BSN: variants seen among roughly 807,000 people sequenced by gnomAD.
BSN encodes bassoon presynaptic cytomatrix protein.
BSN carries 57 observed loss-of-function variants against 264.8 expected under a neutral mutation model. The observed-to-expected ratio is 0.22, with a 90% CI of 0.17 to 0.27. BSN has a LOEUF of 0.27. Among genes scored for constraint, BSN ranks in the 10% least tolerant of loss-of-function variants. The pLI is 1.00. For synonymous variants in BSN, 2,059 were observed against 2,137.3 expected (o/e 0.96, Z 1.01); for missense variants, 4,615 against 5,232.5 (o/e 0.88, Z 3.64).
chr3:49,661,259 C>T lies in BSN; in HGVS notation c.9414C>T (p.Ser3138=), dbSNP rs1432733824. The change falls in exon 6 of 12, where the codon AGC becomes AGT. Residue 3138 remains serine (S), a synonymous_variant. Transcript: ENST00000296452. ...CCCTTTTTCCAGTCCCCGCTGATAG[C>T]CGTGCCCCACTGCAGAAGCCACGCC... ...QSTLFPVPAD[S]RAPLQKPRQT... is the part of the protein sequence containing the mutation. The T allele has an allele frequency of 6.2e-7, 1 of 1,613,778 alleles. No homozygotes were observed.
rs1243154540 is a variant in BSN, at chr3:49,652,283, C to G, written c.2727C>G (p.Leu909=). ...CCACCACGGGCTATGAGGAGCTGCTCCCTGAGGGAGGCTCAGCAGAGGCTA... is the reference window on the plus strand; with the variant it reads ...CCACCACGGGCTATGAGGAGCTGCTGCCTGAGGGAGGCTCAGCAGAGGCTA... ...HNATTGYEEL[L]PEGGSAEATD... Residue 909 remains leucine, a synonymous_variant, in exon 5 of 12, where the codon CTC becomes CTG. Coordinates refer to ENST00000296452, the MANE Select transcript of BSN (RefSeq NM_003458.4). 2 of 1,597,994 alleles carry G rather than the reference C, an allele frequency of 1.3e-6. No homozygotes were observed. The highest frequency in any genetic ancestry group is 1.7e-6 in the Non-Finnish European group (2 of 1,171,144).
rs184759120 is a variant in BSN, at chr3:49,620,623, C to T, written c.225-4352C>T. 5.3e-5 allele frequency among the ~76,000 whole-genome samples: 8 copies of T among 152,142 alleles called. No homozygotes were observed. The East Asian group carries it at 9.7e-4, about 18-fold the overall frequency. ...GGCCATTGTAAGACTTTTGGCTTTTCCTTTGGGAGGGAAAGGAAGCCAGTG... is the reference window on the plus strand; with the variant it reads ...GGCCATTGTAAGACTTTTGGCTTTTTCTTTGGGAGGGAAAGGAAGCCAGTG... On this transcript the variant is annotated intron_variant, in intron 1 of 11. Coordinates refer to ENST00000296452, the MANE Select transcript of BSN (RefSeq NM_003458.4).
chr3:49,580,342 T>G (rs567939965), intron 1 of BSN, among the ~76,000 whole-genome samples: 24 of 152,224 alleles, frequency 1.6e-4, no homozygotes, highest in Non-Finnish European at 2.5e-4. Context: ...TGTGAAAGAT[T>G]AATATGAAAT....
At chr3:49,605,515 T>A (rs1189410629) in intron 1 of BSN, among the ~76,000 whole-genome samples, 4 of 3,526 alleles carry the variant, frequency 1.1e-3, no homozygotes, top group African/African-American at 2.3e-3. Context: ...TATTATATAA[T>A]ATATATATAA....
chr3:49,617,282 A>ATT (rs1553663309), intron 1 of BSN, among the ~76,000 whole-genome samples: 27 of 33,416 alleles, frequency 8.1e-4, no homozygotes, highest in African/African-American at 2.9e-3. Context: ...AATAAAATAC[A>ATT]TTATATATAT....
intron 2 of BSN, among the ~76,000 whole-genome samples, chr3:49,635,647 A>G (rs1237376447): frequency 1.3e-5 from 2 of 152,126 alleles, no homozygotes; most frequent in African/African-American, 2.4e-5. Flanking sequence ...CTGTCTGTCC[A>G]TCTATCCATC....
At position 49,655,695 on chromosome 3, in the gene BSN, C is replaced by T; in HGVS notation, c.6139C>T (p.His2047Tyr). 6.2e-7 allele frequency: 1 copy of T among 1,613,580 alleles called. No homozygotes were observed. Among genetic ancestry groups the T allele is most frequent in the Non-Finnish European group, 8.5e-7 (1 of 1,180,036 alleles). ...LQYGSVTDLR[H>Y]PTDLLAHPLP... ...GTATGGCTCAGTCACGGACCTGCGT[C>T]ATCCTACAGACCTTTTGGCTCACCC... The change falls in exon 5 of 12, where the codon CAT (histidine) becomes TAT (tyrosine). Residue 2047 changes from histidine (H) to tyrosine (Y), a missense_variant. This residue lies in a region of BSN where 3,415 missense variants were observed against 3,866.4 expected (regional missense o/e 0.88). Coordinates refer to ENST00000296452, the MANE Select transcript of BSN (RefSeq NM_003458.4).
rs1232434701 is a variant in BSN at position 49,651,460 on chromosome 3, G to A, written c.1987-83G>A. On this transcript the variant is annotated intron_variant, in intron 4 of 11. Coordinates refer to ENST00000296452, the MANE Select transcript of BSN (RefSeq NM_003458.4). This position sits in a 1 kb window ranked among gnomAD's most constrained non-coding sequence, Gnocchi z 5.4. ...GGAAATGGACAGACTCTTCCCCAGG[G>A]TCCTGGGATTGACAGGGAGGATTGG... 2.1e-6 allele frequency: 3 copies of A among 1,410,306 alleles called. No individual in the cohort carries two copies. Among genetic ancestry groups the A allele is most frequent in the Non-Finnish European group, 1.9e-6 (2 of 1,040,200 alleles). The allele number at this position is 1,410,306 out of a possible 1,614,324, so 87.4% of individuals were successfully genotyped here.
rs1302278250 is a variant in BSN at position 49,670,016 on chromosome 3, C to T, written c.*2531C>T. ...TTCTCATGCTTTTCTATAAGATCTA[C>T]ACACCCCTTCAGAGAGGGCTCCTCG... is the stretch of plus-strand genomic sequence containing the variant. On this transcript the variant is annotated 3_prime_UTR_variant, in exon 12 of 12. Transcript: ENST00000296452. The T allele has an allele frequency of 6.5e-6, 1 of 152,718 alleles. No homozygotes were observed. Among genetic ancestry groups the T allele is most frequent in the Non-Finnish European group, 1.5e-5 (1 of 68,072 alleles). 9.5% of individuals were successfully genotyped at this position (152,718 alleles called of 1,614,324 possible).
chr3:49,653,198 C>A lies in BSN; in HGVS notation c.3642C>A (p.Gly1214=). 3.1e-6 allele frequency: 5 copies of A among 1,610,214 alleles called. No individual in the cohort carries two copies. Among genetic ancestry groups the A allele is most frequent in the Non-Finnish European group, 4.2e-6 (5 of 1,179,150 alleles). The change falls in exon 5 of 12, where the codon GGC becomes GGA. Residue 1214 remains glycine, a synonymous_variant. Transcript: ENST00000296452. This position sits in a 1 kb window ranked among gnomAD's most constrained non-coding sequence, Gnocchi z 6.3. ...CAGGGGCCCGGGGACCCCATGGCGG[C>A]CCCTCTCAGCCCACAGGCCCCCGGG... is the stretch of plus-strand genomic sequence containing the variant. The part of the protein sequence containing the change: ...QAAGARGPHG[G]PSQPTGPRGL...
chr3:49,554,579 A>AC lies in BSN; in HGVS notation c.-20dup. 1 of 833,108 alleles carries AC rather than the reference A, an allele frequency of 1.2e-6. No individual in the cohort carries two copies. Among genetic ancestry groups the AC allele is most frequent in the East Asian group, 1.3e-4 (1 of 7,950 alleles). The allele number at this position is 833,108 out of a possible 1,614,324, so 51.6% of individuals were successfully genotyped here. A position where few individuals can be genotyped will look rare whatever the true frequency, so the allele number is the denominator to read the frequency against. ...CCGGCCCGGGCGCAGCGCGACCCCG[A>AC]CCCCGCCCGCCCGCCTGCCCGCCAT... On this transcript the variant is annotated 5_prime_UTR_variant, in exon 1 of 12. Coordinates refer to ENST00000296452, the MANE Select transcript of BSN (RefSeq NM_003458.4).
chr3:49,613,508 T>A (rs2052229362), intron 1 of BSN, among the ~76,000 whole-genome samples: 1 of 151,744 alleles, frequency 6.6e-6, no homozygotes, highest in African/African-American at 2.4e-5. Flanking sequence ...TATTATTTTT[T>A]TTTGAGACAG....
downstream of BSN, among the ~76,000 whole-genome samples, chr3:49,672,319 G>GT (rs1454858738): frequency 2.0e-5 from 3 of 152,098 alleles, no homozygotes; most frequent in African/African-American, 7.2e-5. Flanking sequence ...CAGGCACTAT[G>GT]TTCCCAGTGT....
intron 1 of BSN, among the ~76,000 whole-genome samples, chr3:49,587,694 G>A (rs1281238892): frequency 1.3e-5 from 2 of 151,996 alleles, no homozygotes; most frequent in African/African-American, 4.8e-5. Flanking sequence ...AGATGAAGTG[G>A]TAGCCTGTGA....
chr3:49,611,838 G>A (rs1359340997), intron 1 of BSN, among the ~76,000 whole-genome samples: 1 of 152,136 alleles, frequency 6.6e-6, no homozygotes, highest in African/African-American at 2.4e-5. Flanking sequence ...ATCATAGGGG[G>A]AGCTCCTCAA....
At chr3:49,643,696 G>C (rs2052485465) in intron 3 of BSN, among the ~76,000 whole-genome samples, 1 of 152,220 alleles carries the variant, frequency 6.6e-6, no homozygotes, top group Non-Finnish European at 1.5e-5. Flanking sequence ...CATAAGTGTT[G>C]ACGTCTACTT....
rs757466787 is a variant in BSN, at chr3:49,651,993, G to A, written c.2437G>A (p.Asp813Asn). 4 of 1,613,356 alleles carry A rather than the reference G, an allele frequency of 2.5e-6. No individual in the cohort carries two copies. The highest frequency in any genetic ancestry group is 1.7e-5 in the Admixed American group (1 of 59,972). Reference sequence around the variant, plus strand: ...CGACTTTGGCAGCCAATTGAGGCACGACTATGTGGAGGACAGCAGTGAGGG... The same window carrying A: ...CGACTTTGGCAGCCAATTGAGGCACAACTATGTGGAGGACAGCAGTGAGGG... ...SDDFGSQLRH[D>N]YVEDSSEGGL... Residue 813 changes from aspartate (D) to asparagine (N), a missense_variant, in exon 5 of 12, where the codon GAC becomes AAC. Asp to Asn is a conservative substitution (Grantham distance 23). Coordinates refer to ENST00000296452, the MANE Select transcript of BSN (RefSeq NM_003458.4). This position sits in a 1 kb window ranked among gnomAD's most constrained non-coding sequence, Gnocchi z 5.4.
chr3:49,655,422 C>T lies in BSN; in HGVS notation c.5866C>T (p.Arg1956Trp), dbSNP rs577534955. The change falls in exon 5 of 12, where the codon CGG (arginine) becomes TGG (tryptophan). Residue 1956 changes from arginine to tryptophan, a missense_variant. This residue lies in a region of BSN where 3,415 missense variants were observed against 3,866.4 expected (regional missense o/e 0.88). Coordinates refer to ENST00000296452, the MANE Select transcript of BSN (RefSeq NM_003458.4). The part of the protein sequence containing the change: ...DPEPPEPPTY[R>W]AQGVVGPGPH... ...TGAGCCTCCTGAGCCCCCAACCTAC[C>T]GGGCACAGGGGGTGGTGGGGCCTGG... 91 of 1,569,542 alleles carry T rather than the reference C, an allele frequency of 5.8e-5. No homozygotes were observed. The highest frequency in any genetic ancestry group is 4.4e-4 in the South Asian group (37 of 83,292).
chr3:49,662,664 G>A, intron 6 of BSN, 102 bp downstream of exon 6: 4 of 1,499,554 alleles, frequency 2.7e-6, no homozygotes, highest in Non-Finnish European at 3.5e-6. Context: ...GGTCTGGTCT[G>A]GCGCCTCATC....
Sources: gnomAD v4.1 joint callset for allele counts (sites outside exome capture counted in the v4.1 genomes callset) on GRCh38, gnomAD v4.1.1 for gene constraint, gnomAD v4.1.1 regional missense constraint, Gnocchi (gnomAD v3.1) non-coding constraint, MANE v1.5 for transcripts, NCBI Gene and HGNC (gene_info 2026-07-23, HGNC 2026-07-21) for gene names.